The following DLG2 variants were observed in gnomAD, a reference collection of about 807,000 sequenced individuals.
DLG2 encodes the protein discs large MAGUK scaffold protein 2, also known as disks large homolog 2.
In DLG2, 45 loss-of-function variants were observed where a neutral mutation model predicts 132.5. The observed-to-expected ratio is 0.34, with a 90% confidence interval of 0.27 to 0.44. DLG2 has a LOEUF of 0.44. Among genes scored for constraint, DLG2 ranks in the 20% least tolerant of loss-of-function variants. The pLI, the probability that DLG2 is intolerant of heterozygous loss-of-function variation, is 1.00. For missense variants in DLG2, 1,045 were observed against 1,196.9 expected (o/e 0.87, Z 1.87); for synonymous variants, 424 against 419.6 (o/e 1.01, Z -0.13).
intron 7 of DLG2, among the ~76,000 whole-genome samples, chr11:84,338,666 T>C (rs569458018): frequency 5.9e-5 from 9 of 151,934 alleles, no homozygotes; most frequent in Admixed American, 2.0e-4. Flanking sequence ...AATTAGTTGG[T>C]GTGGTGGCAG....
chr11:85,232,056 C>T (rs1420281309), intron 4 of DLG2, among the ~76,000 whole-genome samples: 2 of 151,816 alleles, frequency 1.3e-5, no homozygotes, highest in Non-Finnish European at 2.9e-5. Flanking sequence ...TTTCACCCAC[C>T]TTAGCAGCTG....
At position 85,186,746 on chromosome 11, in the gene DLG2, G is replaced by T. The variant is rs141904280; in HGVS notation, c.187-32095C>A. ...ACTTGTGTATGCTGAAATCCATAGC[G>T]GTGTATCATTAGTCAGCTCAAAAAG... On this transcript the variant is annotated intron_variant, in intron 4 of 27. Coordinates refer to ENST00000376104, the MANE Select transcript of DLG2 (RefSeq NM_001142699.3). Among the ~76,000 whole-genome samples, 325 of 152,134 alleles carry T rather than the reference G, an allele frequency of 2.1e-3. 4 individuals carry two copies. The highest frequency in any genetic ancestry group is 4.6e-3 in the East Asian group (24 of 5,186).
At chr11:84,001,426 C>T (rs2094340238) in intron 11 of DLG2, among the ~76,000 whole-genome samples, 1 of 151,588 alleles carries the variant, frequency 6.6e-6, no homozygotes, top group African/African-American at 2.4e-5. Flanking sequence ...TACATGCACC[C>T]AGCACTGGAT....
chr11:84,809,937 T>C (rs2153970551), intron 6 of DLG2, among the ~76,000 whole-genome samples: 1 of 152,154 alleles, frequency 6.6e-6, no homozygotes, highest in East Asian at 1.9e-4. Flanking sequence ...CAATTGGCTT[T>C]TGACAAGGGT....
chr11:84,153,905 T>C (rs1211712565), intron 9 of DLG2, among the ~76,000 whole-genome samples: 3 of 152,248 alleles, frequency 2.0e-5, no homozygotes, highest in East Asian at 1.9e-4. Flanking sequence ...CTCTGAATTT[T>C]TGAATTGCCA....
intron 6 of DLG2, among the ~76,000 whole-genome samples, chr11:84,994,252 T>G (rs1467954536): frequency 6.6e-6 from 1 of 152,134 alleles, no homozygotes; most frequent in Non-Finnish European, 1.5e-5. Flanking sequence ...CTCTACTGTT[T>G]CCTCATGTAG....
chr11:84,234,695 G>A (rs768249580), intron 8 of DLG2, among the ~76,000 whole-genome samples: 11 of 152,114 alleles, frequency 7.2e-5, no homozygotes, highest in Non-Finnish European at 1.5e-4. Flanking sequence ...TTGGAATTCA[G>A]GCACAGCTGA....
At position 84,450,271 on chromosome 11, in the gene DLG2, C is replaced by CA. The variant is rs1333384340; in HGVS notation, c.519+84298dup. On this transcript the variant is annotated intron_variant, in intron 7 of 27. Coordinates refer to ENST00000376104, the MANE Select transcript of DLG2 (RefSeq NM_001142699.3). Reference sequence around the variant, plus strand: ...AGAAATGTCATGTGGTAGCTTATGACAAAAAAAATAAATAAAAGCAGCAAG... The same window carrying CA: ...AGAAATGTCATGTGGTAGCTTATGACAAAAAAAAATAAATAAAAGCAGCAAG... Among the ~76,000 whole-genome samples, 13 of 150,564 alleles carry CA rather than the reference C, an allele frequency of 8.6e-5. No homozygotes were observed. In the South Asian group the frequency reaches 1.0e-3, roughly 12 times the overall value.
chr11:84,715,816 G>A (rs1440995326), intron 6 of DLG2, among the ~76,000 whole-genome samples: 1 of 151,998 alleles, frequency 6.6e-6, no homozygotes, highest in African/African-American at 2.4e-5. Context: ...TGAACACTTA[G>A]GTTGTTTCCA....
At chr11:84,484,498 C>T (rs1336724101) in intron 7 of DLG2, among the ~76,000 whole-genome samples, 3 of 152,124 alleles carry the variant, frequency 2.0e-5, no homozygotes, top group Admixed American at 6.6e-5. Flanking sequence ...TATCATTTGG[C>T]TCCCTTTATA....
intron 18 of DLG2, among the ~76,000 whole-genome samples, chr11:83,656,299 G>A (rs1406592979): frequency 1.3e-5 from 2 of 152,316 alleles, no homozygotes; most frequent in African/African-American, 4.8e-5. Flanking sequence ...TGCCAGGCCC[G>A]GTTGAATCCC....
At chr11:83,753,968 G>A (rs1253459009) in intron 18 of DLG2, among the ~76,000 whole-genome samples, 2 of 145,872 alleles carry the variant, frequency 1.4e-5, no homozygotes, top group Admixed American at 6.9e-5. Context: ...TACATGCCAA[G>A]TGAAATAGAG....
At chr11:83,906,616 G>A (rs1015086527) in intron 15 of DLG2, among the ~76,000 whole-genome samples, 1 of 152,054 alleles carries the variant, frequency 6.6e-6, no homozygotes, top group Non-Finnish European at 1.5e-5. Flanking sequence ...TACTGTGTAG[G>A]CAATGCAAAG....
At chr11:83,783,319 A>C (rs1294488909) in intron 18 of DLG2, among the ~76,000 whole-genome samples, 1 of 152,240 alleles carries the variant, frequency 6.6e-6, no homozygotes, top group African/African-American at 2.4e-5. Flanking sequence ...CGCTTTGTAA[A>C]GTGAAACTTG....
chr11:84,835,869 C>T (rs10898305), intron 6 of DLG2, among the ~76,000 whole-genome samples: 82,897 of 151,454 alleles, frequency 0.55, 23,495 homozygotes, highest in Middle Eastern at 0.72. Context: ...TGTCTAGTTG[C>T]CTCTTATTTA....
chr11:84,634,228 C>T (rs77417250), intron 6 of DLG2, among the ~76,000 whole-genome samples: 1,696 of 152,234 alleles, frequency 0.011, 12 homozygotes, highest in Non-Finnish European at 0.018. Context: ...TTTCCTCTTA[C>T]GTGATCTTTG....
chr11:84,656,697 C>T (rs1384033301), intron 6 of DLG2, among the ~76,000 whole-genome samples: 1 of 152,128 alleles, frequency 6.6e-6, no homozygotes, highest in Non-Finnish European at 1.5e-5. Flanking sequence ...TCCATCCTAG[C>T]ACTCACTAAC....
chr11:84,841,594 T>C (rs1009873400), intron 6 of DLG2, among the ~76,000 whole-genome samples: 1 of 151,998 alleles, frequency 6.6e-6, no homozygotes, highest in Admixed American at 6.6e-5. Flanking sequence ...ATGGTAGGCA[T>C]CCATAAATAT....
intron 8 of DLG2, among the ~76,000 whole-genome samples, chr11:84,200,460 T>C (rs2096577489): frequency 6.6e-6 from 1 of 152,196 alleles, no homozygotes; most frequent in Admixed American, 6.5e-5. Flanking sequence ...TAAGTTTCAC[T>C]ATGTAAATAT....
Sources: allele counts gnomAD v4.1 joint callset (sites outside exome capture counted in the v4.1 genomes callset), GRCh38; gene constraint gnomAD v4.1.1; transcripts MANE v1.5; gene names NCBI Gene and HGNC (gene_info 2026-07-23, HGNC 2026-07-21).